The following RSPH10B variants were observed in gnomAD, a reference collection of about 807,000 sequenced individuals.
RSPH10B encodes radial spoke head 10 homolog B.
A neutral mutation model predicts 52.5 loss-of-function variants in RSPH10B; 7 were observed. The ratio of observed to expected loss-of-function variants is 0.13; its 90% confidence interval spans 0.08 to 0.25. The LOEUF is 0.25. Among genes scored for constraint, RSPH10B ranks in the 10% least tolerant of loss-of-function variants. RSPH10B has a pLI of 1.00. For synonymous variants in RSPH10B, 28 were observed against 193.2 expected, an observed-to-expected ratio of 0.14 and a Z score of 7.09; for missense variants, 89 against 542.5, an observed-to-expected ratio of 0.16 and a Z score of 8.30.
At chr7:5,942,929 T>A (rs371648544) in intron 13 of RSPH10B, among the ~76,000 whole-genome samples, 12,261 of 53,980 alleles carry the variant, frequency 0.23, 25 homozygotes, top group East Asian at 0.35. Flanking sequence ...TATATATATT[T>A]TTTTTTAAGA....
At chr7:5,947,860 TTGTGTGTGTGTGTGTG>T (rs201265529) in intron 10 of RSPH10B, among the ~76,000 whole-genome samples, 2 of 90,760 alleles carry the variant, frequency 2.2e-5, no homozygotes, top group Non-Finnish European at 2.4e-5. Context: ...CCCCTGCCTT[TTGTGTGTGTGTGTGTG>T]TGTGTGTGTG....
intron 18 of RSPH10B, among the ~76,000 whole-genome samples, chr7:5,927,051 TGTGTGTGTGTGTGTG>T (rs1779492734): frequency 4.5e-4 from 9 of 20,084 alleles, no homozygotes; most frequent in African/African-American, 1.6e-3. Context: ...GTGTGTATTA[TGTGTGTGTGTGTGTG>T]TATATGTGTG....
intron 4 of RSPH10B, among the ~76,000 whole-genome samples, chr7:5,960,457 A>C (rs1780884360): frequency 1.7e-5 from 1 of 58,528 alleles, no homozygotes. Flanking sequence ...TGTGATGTGA[A>C]TTTCGCCTCA....
rs556577790 is a variant in RSPH10B at position 5,944,419 on chromosome 7, A to T, written c.1530-429T>A. The stretch of plus-strand genomic sequence containing the variant: ...TCTCAAAAAAATAAATATATAAATA[A>T]AAGTTTTTTTAAAAAAAGATATAAA... On this transcript the variant is annotated intron_variant, in intron 11 of 18. Coordinates refer to ENST00000337579, the Ensembl canonical transcript of RSPH10B. Among the ~76,000 whole-genome samples, 335 of 150,730 alleles carry T rather than the reference A, an allele frequency of 2.2e-3. 1 individual carries two copies. The highest frequency in any genetic ancestry group is 8.1e-3 in the African/African-American group (328 of 40,594).
chr7:5,957,699 G>A lies in RSPH10B; in HGVS notation c.780+208C>T, dbSNP rs1583242380. 2.9e-5 allele frequency among the ~76,000 whole-genome samples: 3 copies of A among 103,932 alleles called. No homozygotes were observed. The South Asian group carries it at 1.0e-3, about 35-fold the overall frequency. 68.2% of individuals were successfully genotyped at this position (103,932 alleles called of 152,430 possible). On this transcript the variant is annotated intron_variant, in intron 6 of 18. Coordinates refer to ENST00000337579, the Ensembl canonical transcript of RSPH10B. ...TAATCTCAGCTACTCCAGAGGCTGA[G>A]GCAGGAGAATTGCTTGAACCCGGGA...
chr7:5,955,184 T>G (rs1780710998), intron 7 of RSPH10B, among the ~76,000 whole-genome samples: 1 of 124,332 alleles, frequency 8.0e-6, no homozygotes. Flanking sequence ...AAAAAAAAAG[T>G]CATGTAATCA....
chr7:5,927,022 C>CGCGT (rs1554284429), intron 18 of RSPH10B, among the ~76,000 whole-genome samples: 3 of 96,010 alleles, frequency 3.1e-5, no homozygotes, highest in African/African-American at 1.4e-4. Context: ...CCCAAAGTTA[C>CGCGT]GTGTGTGTGT....
At position 5,927,052 on chromosome 7, in the gene RSPH10B, G is replaced by A. The variant is rs977746804; in HGVS notation, c.2433-504C>T. On this transcript the variant is annotated intron_variant, in intron 18 of 18. Coordinates refer to ENST00000337579, the Ensembl canonical transcript of RSPH10B. ...GTGTGTGTGTGTGTGTGTGTATTAT[G>A]TGTGTGTGTGTGTGTATATGTGTGT... Among the ~76,000 whole-genome samples the A allele has an allele frequency of 8.7e-3, 429 of 49,316 alleles. 3 individuals carry two copies. Among genetic ancestry groups the A allele is most frequent in the East Asian group, 0.028 (91 of 3,240 alleles). The allele number at this position is 49,316 out of a possible 152,430, so 32.4% of individuals were successfully genotyped here.
chr7:5,958,010 A>G (rs71531350), exon 6 of RSPH10B: 125,039 of 972,872 alleles, frequency 0.13, 2,036 homozygotes, highest in African/African-American at 0.2. Context: ...GCCTTCGTAT[A>G]TATTTCCAGA....
At chr7:5,933,628 T>C (rs1320434117) in intron 16 of RSPH10B, among the ~76,000 whole-genome samples, 5 of 131,854 alleles carry the variant, frequency 3.8e-5, no homozygotes, top group African/African-American at 1.1e-4. Flanking sequence ...GGCGTGGGGG[T>C]GGGTGCCTGT....
intron 17 of RSPH10B, among the ~76,000 whole-genome samples, chr7:5,929,185 T>C (rs1417769595): frequency 1.4e-5 from 2 of 145,026 alleles, no homozygotes; most frequent in Non-Finnish European, 3.0e-5. Flanking sequence ...CTAATTGTTT[T>C]AAGTATTACT....
chr7:5,928,001 A>G (rs1244575423), intron 18 of RSPH10B, 195 bp downstream of exon 20: 2 of 717,040 alleles, frequency 2.8e-6, no homozygotes, highest in Non-Finnish European at 4.7e-6. Flanking sequence ...TTATCCCATT[A>G]CTCAGGAAGT....
At chr7:5,956,710 A>G (rs1343645343) in intron 6 of RSPH10B, among the ~76,000 whole-genome samples, 2 of 149,746 alleles carry the variant, frequency 1.3e-5, no homozygotes, top group Non-Finnish European at 3.0e-5. Flanking sequence ...CCAGGACTAC[A>G]GGCACCAGCA....
rs557727750 is a variant in RSPH10B, at chr7:5,927,756, T to C, written c.2432+440A>G. Among the ~76,000 whole-genome samples, 125 of 146,962 alleles carry C rather than the reference T, an allele frequency of 8.5e-4. 5 individuals carry two copies. The South Asian group carries it at 0.013, about 16-fold the overall frequency. Reference sequence around the variant, plus strand: ...TTCGAGACCAGCCTGGACAACCTGGTGAAACCTCGTCTCTACTAAAAATAC... The same window carrying C: ...TTCGAGACCAGCCTGGACAACCTGGCGAAACCTCGTCTCTACTAAAAATAC... On this transcript the variant is annotated intron_variant, in intron 18 of 18. Coordinates refer to ENST00000337579, the Ensembl canonical transcript of RSPH10B.
intron 15 of RSPH10B, among the ~76,000 whole-genome samples, chr7:5,937,372 A>T (rs4724760): frequency 0.13 from 18,283 of 135,680 alleles, 1,172 homozygotes; most frequent in Admixed American, 0.24. Context: ...TCCAGAATAA[A>T]GCCATTCCTT....
chr7:5,941,510 C>T (rs569644771), intron 13 of RSPH10B, among the ~76,000 whole-genome samples: 36 of 148,962 alleles, frequency 2.4e-4, no homozygotes, highest in Admixed American at 1.4e-3. Context: ...TTTGGGAGTC[C>T]GACACGGGCG....
upstream of RSPH10B, among the ~76,000 whole-genome samples, chr7:5,968,547 C>T (rs1345288543): frequency 4.0e-5 from 3 of 74,376 alleles, no homozygotes; most frequent in East Asian, 4.0e-4. Context: ...CACTCTCTTG[C>T]CCAGGCTGGA....
At chr7:5,939,546 T>C (rs1157904454) in intron 13 of RSPH10B, among the ~76,000 whole-genome samples, 1 of 32,586 alleles carries the variant, frequency 3.1e-5, no homozygotes, top group South Asian at 1.9e-3. Context: ...ATCATAACAC[T>C]GCACTCCAGC....
At chr7:5,926,980 C>G (rs1242871040) in intron 18 of RSPH10B, among the ~76,000 whole-genome samples, 1 of 151,116 alleles carries the variant, frequency 6.6e-6, no homozygotes, top group African/African-American at 2.4e-5. Flanking sequence ...GTCTCAAACT[C>G]CTGACCTCAG....
Sources: allele counts gnomAD v4.1 joint callset (sites outside exome capture counted in the v4.1 genomes callset), GRCh38; gene constraint gnomAD v4.1.1; transcripts MANE v1.5; gene names NCBI Gene and HGNC (gene_info 2026-07-23, HGNC 2026-07-21).